Variants in LRP2 observed in about 807,000 individuals in gnomAD.
LRP2 encodes low-density lipoprotein receptor-related protein 2.
A neutral mutation model predicts 531.0 loss-of-function variants in LRP2; 172 were observed. The observed-to-expected ratio is 0.32, with a 90% confidence interval of 0.29 to 0.37. The LOEUF (loss-of-function observed/expected upper bound fraction) is 0.37. Among genes scored for constraint, LRP2 ranks in the 10% least tolerant of loss-of-function variants. The pLI is 1.00. For synonymous variants in LRP2, 1,992 were observed against 2,027.6 expected (o/e 0.98, Z 0.47); for missense variants, 5,167 against 5,868.3 (o/e 0.88, Z 3.90).
rs904056537 is a variant in LRP2 at position 169,127,448 on chromosome 2, C to T, written c.*1215G>A. ...GCACAGTGGCTCACGCCCGTAACCC[C>T]AACCACTCAGGAGGCTGAGGTGGGA... On this transcript the variant is annotated 3_prime_UTR_variant, in exon 79 of 79. Coordinates refer to ENST00000649046, the MANE Select transcript of LRP2 (RefSeq NM_004525.3). The T allele has an allele frequency of 1.4e-5, 2 of 148,068 alleles. No individual in the cohort carries two copies. The highest frequency in any genetic ancestry group is 5.0e-5 in the African/African-American group (2 of 40,094). The allele number at this position is 148,068 out of a possible 1,614,324, so 9.2% of individuals were successfully genotyped here.
At position 169,334,457 on chromosome 2, in the gene LRP2, T is replaced by C. The variant is rs754812387; in HGVS notation, c.80-13573A>G. The stretch of plus-strand genomic sequence containing the variant: ...CTCAATTCTGGGTGTTGGGTACCTA[T>C]AGTTACAGTCTTGGATGAGTATGAG... On this transcript the variant is annotated intron_variant, in intron 1 of 78. Transcript: ENST00000649046. 5.9e-5 allele frequency among the ~76,000 whole-genome samples: 9 copies of C among 152,308 alleles called. No individual in the cohort carries two copies. The South Asian group carries it at 1.7e-3, about 28-fold the overall frequency.
At position 169,128,798 on chromosome 2, in the gene LRP2, C is replaced by T. The variant is rs932953736; in HGVS notation, c.13833G>A (p.Ala4611=). 1.9e-5 allele frequency: 30 copies of T among 1,613,836 alleles called. No homozygotes were observed. The highest frequency in any genetic ancestry group is 5.3e-5 in the African/African-American group (4 of 74,872). Residue 4611 remains alanine (A), a synonymous_variant, in exon 79 of 79, where the codon GCG becomes GCA. Transcript: ENST00000649046. Reference sequence around the variant, plus strand: ...GGAGCGAAGGTGATGGAGGTGGTGTCGCAGCAACACTTTCCTTTTGCTCGT... The same window carrying T: ...GGAGCGAAGGTGATGGAGGTGGTGTTGCAGCAACACTTTCCTTTTGCTCGT... ...MENEQKESVA[A]TPPPSPSLPA...
intron 37 of LRP2, among the ~76,000 whole-genome samples, chr2:169,210,472 T>C (rs77711606): frequency 0.083 from 12,672 of 152,258 alleles, 995 homozygotes; most frequent in African/African-American, 0.2. Context: ...TATTGCTAAA[T>C]GTATTTAACC....
chr2:169,170,716 C>G (rs1558992851), intron 58 of LRP2, 49 bp from the exon 59 acceptor site: 2 of 1,285,328 alleles, frequency 1.6e-6, no homozygotes, highest in East Asian at 4.6e-5. Flanking sequence ...GAATCACATA[C>G]AGGAGACATC....
chr2:169,151,803 A>C (rs1686146604), intron 67 of LRP2, among the ~76,000 whole-genome samples: 1 of 152,020 alleles, frequency 6.6e-6, no homozygotes, highest in African/African-American at 2.4e-5. Context: ...TGAGTTCCTG[A>C]CTCTAGCAAC....
At chr2:169,352,581 C>G (rs1208061844) in intron 1 of LRP2, among the ~76,000 whole-genome samples, 1 of 152,140 alleles carries the variant, frequency 6.6e-6, no homozygotes, top group Non-Finnish European at 1.5e-5. Flanking sequence ...TTTAAAAATA[C>G]AGATTTTCCA....
chr2:169,214,583 C>T (rs1688710594), intron 35 of LRP2, among the ~76,000 whole-genome samples: 2 of 152,124 alleles, frequency 1.3e-5, no homozygotes, highest in South Asian at 4.1e-4. Flanking sequence ...AAAGGGAGCC[C>T]AGCAGTTACA....
chr2:169,246,926 G>A lies in LRP2; in HGVS notation c.2969C>T (p.Pro990Leu), dbSNP rs1690029895. 2.5e-6 allele frequency: 4 copies of A among 1,614,052 alleles called. No individual in the cohort carries two copies. Among genetic ancestry groups the A allele is most frequent in the African/African-American group, 2.7e-5 (2 of 74,918 alleles). Residue 990 changes from proline to leucine, a missense_variant, in exon 21 of 79, where the codon CCG becomes CTG. By Grantham distance (98) the Pro-to-Leu change is moderately conservative (BLOSUM62 -3). Coordinates refer to ENST00000649046, the MANE Select transcript of LRP2 (RefSeq NM_004525.3). ...ACACACTCGCTGGAAATTTGGCACCGGGAAGCAGAAGTGGCTGCAGTCACC... is the reference window on the plus strand; with the variant it reads ...ACACACTCGCTGGAAATTTGGCACCAGGAAGCAGAAGTGGCTGCAGTCACC... ...PNGDCSHFCF[P>L]VPNFQRVCGC...
rs1409724986 is a variant in LRP2 at position 169,275,139 on chromosome 2, C to A, written c.1872G>T (p.Val624=). 1.2e-6 allele frequency: 2 copies of A among 1,613,784 alleles called. No homozygotes were observed. The highest frequency in any genetic ancestry group is 1.7e-6 in the Non-Finnish European group (2 of 1,179,858). ...TCTCTGTGAACTTGTTTGCCTTCAG[C>A]ACGGCCATCTTTGTCCAATCTGTAA... ...VFFTDWTKMA[V]LKANKFTETN... is the part of the protein sequence containing the mutation. The change falls in exon 14 of 79, where the codon GTG becomes GTT. Residue 624 remains valine (V), a synonymous_variant. Coordinates refer to ENST00000649046, the MANE Select transcript of LRP2 (RefSeq NM_004525.3).
At chr2:169,170,745 G>T in intron 58 of LRP2, 78 bp from the exon 59 acceptor site, 2 of 990,026 alleles carry the variant, frequency 2.0e-6, no homozygotes, top group Non-Finnish European at 3.3e-6. Context: ...TGACCATAGT[G>T]CCCTGGGTGC....
At position 169,165,115 on chromosome 2, in the gene LRP2, T is replaced by A. The variant is rs528488938; in HGVS notation, c.11758+817A>T. 1.4e-4 allele frequency among the ~76,000 whole-genome samples: 21 copies of A among 152,286 alleles called. No individual in the cohort carries two copies. In the South Asian group the frequency reaches 4.4e-3, roughly 32 times the overall value. ...TCTCCTCTGGGATGGGGGCTGGAAG[T>A]AAGCATTCTGTGGCAAAGCGTTCTA... On this transcript the variant is annotated intron_variant, in intron 62 of 78. Coordinates refer to ENST00000649046, the MANE Select transcript of LRP2 (RefSeq NM_004525.3).
chr2:169,142,978 G>C (rs545722320), intron 70 of LRP2, among the ~76,000 whole-genome samples, 185 bp from the exon 71 acceptor site: 2 of 152,272 alleles, frequency 1.3e-5, no homozygotes, highest in South Asian at 4.1e-4. Context: ...ACTGCAGTGG[G>C]ATAGTCCCTC....
intron 31 of LRP2, among the ~76,000 whole-genome samples, chr2:169,227,380 C>T (rs969135118): frequency 6.6e-6 from 1 of 151,976 alleles, no homozygotes; most frequent in African/African-American, 2.4e-5. Context: ...TTAAACATTC[C>T]CATAATATCT....
At chr2:169,352,123 G>A (rs1437211275) in intron 1 of LRP2, among the ~76,000 whole-genome samples, 1 of 152,176 alleles carries the variant, frequency 6.6e-6, no homozygotes, top group East Asian at 1.9e-4. Flanking sequence ...GGTGTTCTGA[G>A]ATGAATTCAG....
intron 17 of LRP2, among the ~76,000 whole-genome samples, chr2:169,257,828 A>C (rs1049691721): frequency 4.7e-5 from 3 of 64,084 alleles, no homozygotes; most frequent in African/African-American, 1.8e-4. Flanking sequence ...ACAAAAACAA[A>C]AAAAAAAAAC....
At chr2:169,313,867 C>T (rs1243963004) in intron 3 of LRP2, among the ~76,000 whole-genome samples, 1 of 152,166 alleles carries the variant, frequency 6.6e-6, no homozygotes, top group Non-Finnish European at 1.5e-5. Context: ...TGCCACAATA[C>T]ATATTGATTC....
rs1307646045 is a variant in LRP2, at chr2:169,233,483, G to T, written c.5026C>A (p.Gln1676Lys). The change falls in exon 30 of 79, where the codon CAG (glutamine) becomes AAG (lysine). Residue 1676 changes from glutamine (Q) to lysine (K), a missense_variant. This residue lies in a region of LRP2 where 2,811 missense variants were observed against 3,058.0 expected (regional missense o/e 0.92). Transcript: ENST00000649046. ...TGAATATTATACATTACAACTGACTGGTTCCCTCCATGCCACTTGTTGGCT... is the reference window on the plus strand; with the variant it reads ...TGAATATTATACATTACAACTGACTTGTTCCCTCCATGCCACTTGTTGGCT... ...MRANKWHGGN[Q>K]SVVMYNIQWP... 7.4e-6 allele frequency: 12 copies of T among 1,614,002 alleles called. No homozygotes were observed. Among genetic ancestry groups the T allele is most frequent in the South Asian group, 2.2e-5 (2 of 91,078 alleles).
intron 76 of LRP2, among the ~76,000 whole-genome samples, chr2:169,135,492 T>C (rs929992602): frequency 5.9e-5 from 9 of 152,296 alleles, no homozygotes; most frequent in African/African-American, 1.9e-4. Flanking sequence ...AGTCCGACAG[T>C]GGACCGGCCT....
chr2:169,152,895 T>C lies in LRP2; in HGVS notation c.12365A>G (p.Asn4122Ser), dbSNP rs1383756956. ...FGAIKRAYIP[N>S]FESGRNNLVQ... ...AAGATTATTGCGGCCGGATTCAAAGTTGGGGATGTAGGCACGTTTGATAGC... is the reference window on the plus strand; with the variant it reads ...AAGATTATTGCGGCCGGATTCAAAGCTGGGGATGTAGGCACGTTTGATAGC... Residue 4122 changes from asparagine (N) to serine (S), a missense_variant, in exon 67 of 79, where the codon AAC (asparagine) becomes AGC (serine). Around this residue, in one of 6 missense-constraint regions of LRP2, gnomAD observed 564 missense variants for 747.7 expected, o/e 0.75. Coordinates refer to ENST00000649046, the MANE Select transcript of LRP2 (RefSeq NM_004525.3). 6.2e-7 allele frequency: 1 copy of C among 1,614,124 alleles called. No individual in the cohort carries two copies. Among genetic ancestry groups the C allele is most frequent in the Non-Finnish European group, 8.5e-7 (1 of 1,179,970 alleles).
Sources: gnomAD v4.1 joint callset for allele counts (sites outside exome capture counted in the v4.1 genomes callset) on GRCh38, gnomAD v4.1.1 for gene constraint, gnomAD v4.1.1 regional missense constraint, MANE v1.5 for transcripts, NCBI Gene and HGNC (gene_info 2026-07-23, HGNC 2026-07-21) for gene names.